KLB: variants seen among roughly 807,000 people sequenced by gnomAD.
KLB encodes beta-klotho.
Under a neutral mutation model 88.4 loss-of-function variants are expected in KLB, and 44 were observed. That is an observed-to-expected ratio of 0.50 (90% confidence interval 0.39 to 0.64). KLB has a LOEUF of 0.64. Among genes scored for constraint, KLB ranks in the 30% least tolerant of loss-of-function variants. The pLI, the probability that KLB is intolerant of heterozygous loss-of-function variation, is 0.00. For synonymous variants in KLB, 548 were observed against 513.4 expected, an observed-to-expected ratio of 1.07 and a Z score of -0.91; for missense variants, 1,137 against 1,304.8, an observed-to-expected ratio of 0.87 and a Z score of 1.98.
chr4:39,406,981 G>T lies in KLB; in HGVS notation c.32G>T (p.Gly11Val). MKPGCAAGSPGNEWIFFSTDE... is the reference protein window; with the variant it reads MKPGCAAGSPVNEWIFFSTDE... ...CCAGGCTGTGCGGCAGGATCTCCAG[G>T]GAATGAATGGATTTTCTTCAGCACT... is the stretch of plus-strand genomic sequence containing the variant. The change falls in exon 1 of 5, where the codon GGG becomes GTG. Residue 11 changes from glycine to valine, a missense_variant. Coordinates refer to ENST00000257408, the MANE Select transcript of KLB (RefSeq NM_175737.4). 1 of 1,612,406 alleles carries T rather than the reference G, an allele frequency of 6.2e-7. No homozygotes were observed. Among genetic ancestry groups the T allele is most frequent in the Non-Finnish European group, 8.5e-7 (1 of 1,178,626 alleles).
chr4:39,421,340 G>A (rs1743078262), intron 1 of KLB, among the ~76,000 whole-genome samples: 1 of 152,138 alleles, frequency 6.6e-6, no homozygotes, highest in African/African-American at 2.4e-5. Context: ...TTTTGTTGAT[G>A]TATATAACTT....
Position 39,446,406 on chromosome 4 carries a change from G to A in KLB, c.1680G>A (p.Leu560=). 1 of 1,614,228 alleles carries A rather than the reference G, an allele frequency of 6.2e-7. No individual in the cohort carries two copies. The highest frequency in any genetic ancestry group is 2.2e-5 in the East Asian group (1 of 44,886). The part of the protein sequence containing the change: ...LYVWNATGNR[L]LHRVEGVRLK... ...TGTGGAACGCCACTGGCAACAGACT[G>A]TTGCACCGAGTGGAAGGGGTGAGGC... is the stretch of plus-strand genomic sequence containing the variant. Residue 560 remains leucine, a synonymous_variant, in exon 4 of 5, where the codon CTG becomes CTA. Coordinates refer to ENST00000257408, the MANE Select transcript of KLB (RefSeq NM_175737.4). The surrounding 1 kb of genome is among the most constrained non-coding windows in gnomAD (Gnocchi z 6.4).
intron 1 of KLB, among the ~76,000 whole-genome samples, chr4:39,428,514 T>G (rs575317525): frequency 6.6e-6 from 1 of 151,640 alleles, no homozygotes; most frequent in Non-Finnish European, 1.5e-5. Context: ...AAATTAAAGG[T>G]TATATGCCCA....
intron 1 of KLB, among the ~76,000 whole-genome samples, chr4:39,432,933 C>G (rs945907467): frequency 6.6e-6 from 1 of 150,876 alleles, no homozygotes; most frequent in African/African-American, 2.4e-5. Flanking sequence ...GGCTGGAGTG[C>G]GGTGGCACCA....
intron 3 of KLB, among the ~76,000 whole-genome samples, chr4:39,442,435 C>CTTTT (rs772744557): frequency 7.2e-6 from 1 of 138,496 alleles, no homozygotes; most frequent in African/African-American, 2.7e-5. Flanking sequence ...CCTCTCTCCC[C>CTTTT]TTTTTTTTTT....
chr4:39,436,342 C>T (rs922231184), intron 2 of KLB, among the ~76,000 whole-genome samples: 2 of 152,186 alleles, frequency 1.3e-5, no homozygotes, highest in East Asian at 1.9e-4. Context: ...AACCGAGCCA[C>T]GCCCAGCTAC....
In KLB at chr4:39,446,943, G is replaced by T; in HGVS notation, c.2217G>T (p.Ser739=). The change falls in exon 4 of 5, where the codon TCG becomes TCT. Residue 739 remains serine, a synonymous_variant. Transcript: ENST00000257408. This position sits in a 1 kb window ranked among gnomAD's most constrained non-coding sequence, Gnocchi z 6.4. ...QFRPSQRGAV[S]LSLHADWAEP... is the part of the protein sequence containing the mutation. ...GGCCCTCACAGCGCGGGGCCGTGTC[G>T]CTGTCGCTGCACGCGGACTGGGCGG... is the stretch of plus-strand genomic sequence containing the variant. The T allele has an allele frequency of 6.2e-7, 1 of 1,604,752 alleles. No homozygotes were observed. Among genetic ancestry groups the T allele is most frequent in the Non-Finnish European group, 8.5e-7 (1 of 1,178,808 alleles).
Position 39,447,365 on chromosome 4 carries a change from A to G in KLB, c.2639A>G (p.Tyr880Cys). 6.2e-7 allele frequency: 1 copy of G among 1,613,950 alleles called. No individual in the cohort carries two copies. Among genetic ancestry groups the G allele is most frequent in the Non-Finnish European group, 8.5e-7 (1 of 1,180,030 alleles). ...RKLLRWVRRNYGDMDIYITAS... is the reference protein window; with the variant it reads ...RKLLRWVRRNCGDMDIYITAS... ...CTGCTGCGGTGGGTCCGGAGGAACTACGGCGACATGGACATTTACATCACC... is the reference window on the plus strand; with the variant it reads ...CTGCTGCGGTGGGTCCGGAGGAACTGCGGCGACATGGACATTTACATCACC... The change falls in exon 4 of 5, where the codon TAC becomes TGC. Residue 880 changes from tyrosine to cysteine, a missense_variant. Physicochemically the swap from Tyr to Cys is radical, Grantham distance 194. Around this residue, in one of 4 missense-constraint regions of KLB, gnomAD observed 426 missense variants for 404.6 expected, o/e 1.05. Coordinates refer to ENST00000257408, the MANE Select transcript of KLB (RefSeq NM_175737.4).
At position 39,448,645 on chromosome 4, in the gene KLB, C is replaced by T. The variant is rs912316977; in HGVS notation, c.3094C>T (p.Gln1032Ter). 6.2e-7 allele frequency: 1 copy of T among 1,612,856 alleles called. No individual in the cohort carries two copies. ...AAAGTTTTGGAAAGCAAAAAACTTACAACACATACCATTAAAGAAAGGCAA... is the reference window on the plus strand; with the variant it reads ...AAAGTTTTGGAAAGCAAAAAACTTATAACACATACCATTAAAGAAAGGCAA... ...RRKFWKAKNL[Q>*]HIPLKKGKRV... Residue 1032 changes from glutamine to a stop codon, truncating the protein, a stop_gained, in exon 5 of 5, where the codon CAA (glutamine) becomes TAA (stop). Coordinates refer to ENST00000257408, the MANE Select transcript of KLB (RefSeq NM_175737.4). LOFTEE classifies it high-confidence loss of function.
Position 39,446,900 on chromosome 4 carries a change from T to C in KLB, c.2174T>C (p.Leu725Pro), listed in dbSNP as rs778945809. 6.2e-7 allele frequency: 1 copy of C among 1,606,744 alleles called. No individual in the cohort carries two copies. Among genetic ancestry groups the C allele is most frequent in the Non-Finnish European group, 8.5e-7 (1 of 1,179,386 alleles). The part of the protein sequence containing the change: ...LLVAHALAWR[L>P]YDRQFRPSQR... ...GTGGCCCACGCCCTGGCCTGGCGCC[T>C]CTACGACCGGCAGTTCAGGCCCTCA... is the stretch of plus-strand genomic sequence containing the variant. Residue 725 changes from leucine to proline, a missense_variant, in exon 4 of 5, where the codon CTC becomes CCC. Physicochemically the swap from Leu to Pro is moderately conservative, Grantham distance 98. Transcript: ENST00000257408. The surrounding 1 kb of genome is among the most constrained non-coding windows in gnomAD (Gnocchi z 6.4).
chr4:39,414,871 G>GAA (rs1009834880), intron 1 of KLB, among the ~76,000 whole-genome samples: 23 of 50,250 alleles, frequency 4.6e-4, no homozygotes, highest in African/African-American at 1.2e-3. Context: ...TCTGTCTCAG[G>GAA]AAAAAAAAAA....
At chr4:39,423,172 G>A (rs1743126807) in intron 1 of KLB, among the ~76,000 whole-genome samples, 1 of 151,904 alleles carries the variant, frequency 6.6e-6, no homozygotes. Context: ...CATCAGTGAG[G>A]AAAATAATCC....
intron 1 of KLB, among the ~76,000 whole-genome samples, chr4:39,413,919 T>C (rs1387506595): frequency 2.0e-5 from 3 of 152,198 alleles, no homozygotes; most frequent in Admixed American, 1.3e-4. Context: ...TGGTCACTAT[T>C]GACATTTGGG....
intron 1 of KLB, among the ~76,000 whole-genome samples, chr4:39,425,717 T>C (rs1395950151): frequency 6.6e-6 from 1 of 152,164 alleles, no homozygotes; most frequent in South Asian, 2.1e-4. Context: ...GCCAGGATTA[T>C]AGGCATGAGC....
rs1742760062 is a variant in KLB, at chr4:39,407,655, T to G, written c.706T>G (p.Trp236Gly). 2.5e-6 allele frequency: 4 copies of G among 1,614,070 alleles called. No homozygotes were observed. Among genetic ancestry groups the G allele is most frequent in the Non-Finnish European group, 3.4e-6 (4 of 1,179,922 alleles). ...FQMFGDRVKY[W>G]ITIHNPYLVA... ...GATGTTTGGGGACCGTGTCAAATAT[T>G]GGATTACAATTCACAACCCATATCT... is the stretch of plus-strand genomic sequence containing the variant. Residue 236 changes from tryptophan (W) to glycine (G), a missense_variant, in exon 1 of 5, where the codon TGG becomes GGG. Transcript: ENST00000257408.
At position 39,407,685 on chromosome 4, in the gene KLB, G is replaced by T; in HGVS notation, c.736G>T (p.Ala246Ser). The T allele has an allele frequency of 1.2e-6, 2 of 1,614,018 alleles. No homozygotes were observed. The highest frequency in any genetic ancestry group is 3.3e-4 in the Middle Eastern group (2 of 6,062). The change falls in exon 1 of 5, where the codon GCT becomes TCT. Residue 246 changes from alanine to serine, a missense_variant. Transcript: ENST00000257408. ...TACAATTCACAACCCATATCTAGTG[G>T]CTTGGCATGGGTATGGGACAGGTAT... ...WITIHNPYLV[A>S]WHGYGTGMHA...
chr4:39,439,488 C>T (rs1743549274), intron 3 of KLB, among the ~76,000 whole-genome samples: 1 of 143,936 alleles, frequency 6.9e-6, no homozygotes, highest in Admixed American at 7.2e-5. Flanking sequence ...GTTTTTGAGA[C>T]AGAGTCTCGC....
At chr4:39,441,811 G>A (rs932590272) in intron 3 of KLB, 2 of 129,122 alleles carry the variant, frequency 1.5e-5, no homozygotes, top group African/African-American at 5.7e-5. Flanking sequence ...AATAAATAAA[G>A]ATGAATGGTT....
intron 1 of KLB, among the ~76,000 whole-genome samples, chr4:39,428,627 T>C: frequency 6.6e-6 from 1 of 152,198 alleles, no homozygotes; most frequent in Non-Finnish European, 1.5e-5. Flanking sequence ...TAAATCATTA[T>C]TATACTAAGA....
Sources: gnomAD v4.1 joint callset for allele counts (sites outside exome capture counted in the v4.1 genomes callset) on GRCh38, gnomAD v4.1.1 for gene constraint, gnomAD v4.1.1 regional missense constraint, Gnocchi (gnomAD v3.1) non-coding constraint, MANE v1.5 for transcripts, NCBI Gene and HGNC (gene_info 2026-07-23, HGNC 2026-07-21) for gene names.